Variants in UBE3D observed in about 807,000 individuals in gnomAD.
UBE3D encodes the protein E3 ubiquitin-protein ligase E3D.
A neutral mutation model predicts 49.6 loss-of-function variants in UBE3D; 48 were observed. That is an observed-to-expected ratio of 0.97 (90% confidence interval 0.77 to 1.23). The LOEUF (loss-of-function observed/expected upper bound fraction) is 1.23. UBE3D is among the 50% of genes most tolerant of loss of function. The pLI is 0.00. For synonymous variants in UBE3D, 189 were observed against 174.2 expected, an observed-to-expected ratio of 1.08 and a Z score of -0.67; for missense variants, 452 against 468.4, an observed-to-expected ratio of 0.96 and a Z score of 0.32.
intron 9 of UBE3D, among the ~76,000 whole-genome samples, chr6:82,918,006 T>C (rs293494): frequency 0.67 from 102,279 of 151,986 alleles, 34,916 homozygotes; most frequent in East Asian, 0.79. Flanking sequence ...AATAAACTCC[T>C]TGCTCTTTAT....
chr6:83,001,471 C>G (rs1779631243), intron 8 of UBE3D, among the ~76,000 whole-genome samples: 1 of 152,168 alleles, frequency 6.6e-6, no homozygotes, highest in Non-Finnish European at 1.5e-5. Context: ...TGTCTAGTTT[C>G]ATTGAAAATG....
At chr6:83,052,601 C>A (rs1783543548) in intron 3 of UBE3D, among the ~76,000 whole-genome samples, 1 of 152,076 alleles carries the variant, frequency 6.6e-6, no homozygotes, top group Admixed American at 6.6e-5. Flanking sequence ...TGGGGCTGCA[C>A]ATTGATCACC....
At chr6:82,942,456 G>A (rs1200779211) in intron 9 of UBE3D, among the ~76,000 whole-genome samples, 1 of 152,206 alleles carries the variant, frequency 6.6e-6, no homozygotes, top group Non-Finnish European at 1.5e-5. Context: ...CCAAGACAAT[G>A]GGAAAAATGT....
In UBE3D at chr6:83,065,744, C is replaced by A. The variant is rs945375468; in HGVS notation, c.-26G>T. The A allele has an allele frequency of 2.5e-6, 4 of 1,600,270 alleles. No individual in the cohort carries two copies. The highest frequency in any genetic ancestry group is 3.4e-6 in the Non-Finnish European group (4 of 1,173,656). On this transcript the variant is annotated 5_prime_UTR_variant, in exon 1 of 10. Coordinates refer to ENST00000369747, the MANE Select transcript of UBE3D (RefSeq NM_198920.3). ...GGCAGGCTTCCAGTCCCAGACCGGACCAAGCTGGAGGTTCCGAGGGGCCCG... is the reference window on the plus strand; with the variant it reads ...GGCAGGCTTCCAGTCCCAGACCGGAACAAGCTGGAGGTTCCGAGGGGCCCG...
At chr6:83,020,646 T>C (rs1294195285) in intron 7 of UBE3D, among the ~76,000 whole-genome samples, 1 of 152,206 alleles carries the variant, frequency 6.6e-6, no homozygotes, top group Non-Finnish European at 1.5e-5. Flanking sequence ...GTAAAACTGA[T>C]TTCAGAAAAC....
chr6:83,060,232 G>C (rs139893085), intron 1 of UBE3D, among the ~76,000 whole-genome samples: 1 of 152,132 alleles, frequency 6.6e-6, no homozygotes, highest in African/African-American at 2.4e-5. Flanking sequence ...AATGAGCAGG[G>C]GGAGGTGGCA....
At chr6:82,989,095 G>A (rs1440696506) in intron 8 of UBE3D, among the ~76,000 whole-genome samples, 1 of 152,060 alleles carries the variant, frequency 6.6e-6, no homozygotes, top group Non-Finnish European at 1.5e-5. Context: ...TCTTCGGGCA[G>A]AAAAGAAAAA....
In UBE3D at chr6:83,065,808, C is replaced by A; in HGVS notation, c.-90G>T. 1 of 1,324,638 alleles carries A rather than the reference C, an allele frequency of 7.5e-7. No homozygotes were observed. Among genetic ancestry groups the A allele is most frequent in the Admixed American group, 2.1e-5 (1 of 46,780 alleles). The allele number at this position is 1,324,638 out of a possible 1,614,324, so 82.1% of individuals were successfully genotyped here. A position where few individuals can be genotyped will look rare whatever the true frequency, so the allele number is the denominator to read the frequency against. The stretch of plus-strand genomic sequence containing the variant: ...AGGAGAGGTTCCACGTGCGGACCAA[C>A]CAGCGGCAGCCCCGCTGCGGCGCAG... On this transcript the variant is annotated 5_prime_UTR_variant, in exon 1 of 10. Coordinates refer to ENST00000369747, the MANE Select transcript of UBE3D (RefSeq NM_198920.3).
intron 9 of UBE3D, among the ~76,000 whole-genome samples, chr6:82,936,181 C>T (rs1774561551): frequency 6.6e-6 from 1 of 152,130 alleles, no homozygotes; most frequent in Non-Finnish European, 1.5e-5. Flanking sequence ...CCATCCTGCC[C>T]CTGCCAAAGA....
intron 9 of UBE3D, among the ~76,000 whole-genome samples, chr6:82,934,581 A>T (rs1274983254): frequency 6.6e-6 from 1 of 152,090 alleles, no homozygotes; most frequent in African/African-American, 2.4e-5. Flanking sequence ...TGTGGGAAGG[A>T]GTAAGGAGGA....
intron 9 of UBE3D, among the ~76,000 whole-genome samples, chr6:82,939,186 T>G (rs1397761687): frequency 6.6e-6 from 1 of 152,178 alleles, no homozygotes; most frequent in African/African-American, 2.4e-5. Context: ...TAAGAGAAGG[T>G]GAGTGCTCTC....
chr6:82,882,692 C>T, the UBE3D span, among the ~76,000 whole-genome samples: 2 of 152,204 alleles, frequency 1.3e-5, no homozygotes, highest in African/African-American at 2.4e-5. Flanking sequence ...TTATCTGAAA[C>T]AGTAGCTCAA....
Position 83,065,738 on chromosome 6 carries a change from A to C in UBE3D, c.-20T>G. 1 of 1,604,380 alleles carries C rather than the reference A, an allele frequency of 6.2e-7. No individual in the cohort carries two copies. Among genetic ancestry groups the C allele is most frequent in the Non-Finnish European group, 8.5e-7 (1 of 1,175,730 alleles). Reference sequence around the variant, plus strand: ...CGCCATGGCAGGCTTCCAGTCCCAGACCGGACCAAGCTGGAGGTTCCGAGG... The same window carrying C: ...CGCCATGGCAGGCTTCCAGTCCCAGCCCGGACCAAGCTGGAGGTTCCGAGG... On this transcript the variant is annotated 5_prime_UTR_variant, in exon 1 of 10. Transcript: ENST00000369747.
intron 9 of UBE3D, among the ~76,000 whole-genome samples, chr6:82,919,393 G>A (rs184961970): frequency 6.6e-6 from 1 of 151,664 alleles, no homozygotes; most frequent in African/African-American, 2.4e-5. Context: ...CACGAGGTCA[G>A]GAGATCGAGA....
At chr6:82,931,640 A>G (rs1187972569) in intron 9 of UBE3D, among the ~76,000 whole-genome samples, 1 of 152,226 alleles carries the variant, frequency 6.6e-6, no homozygotes, top group African/African-American at 2.4e-5. Flanking sequence ...TCAGACTTGC[A>G]TGGAGCCTGC....
intron 9 of UBE3D, among the ~76,000 whole-genome samples, chr6:82,908,961 T>C (rs929289666): frequency 3.9e-5 from 6 of 152,174 alleles, no homozygotes; most frequent in Admixed American, 2.0e-4. Context: ...AGCCTCAGCA[T>C]TTCACTTGCC....
chr6:83,031,473 G>A (rs1403081625), intron 5 of UBE3D, among the ~76,000 whole-genome samples: 1 of 152,320 alleles, frequency 6.6e-6, no homozygotes, highest in African/African-American at 2.4e-5. Flanking sequence ...TGTGAAACAT[G>A]AAGTCAAAGG....
At chr6:83,009,130 T>G (rs1031141167) in intron 8 of UBE3D, among the ~76,000 whole-genome samples, 1 of 152,154 alleles carries the variant, frequency 6.6e-6, no homozygotes, top group Non-Finnish European at 1.5e-5. Flanking sequence ...AAGGTAAAGA[T>G]TCTACATATA....
At chr6:82,902,855 C>T (rs1771837299) in intron 9 of UBE3D, among the ~76,000 whole-genome samples, 1 of 152,132 alleles carries the variant, frequency 6.6e-6, no homozygotes, top group South Asian at 2.1e-4. Flanking sequence ...AAGCATGGTA[C>T]CATCTCACTA....
Sources: allele counts gnomAD v4.1 joint callset (sites outside exome capture counted in the v4.1 genomes callset), GRCh38; gene constraint gnomAD v4.1.1; transcripts MANE v1.5; gene names NCBI Gene and HGNC (gene_info 2026-07-23, HGNC 2026-07-21).